The following METTL8 variants were observed in gnomAD, a reference collection of about 807,000 sequenced individuals.
METTL8 encodes the protein tRNA N(3)-cytidine methyltransferase METTL8, mitochondrial.
A neutral mutation model predicts 48.7 loss-of-function variants in METTL8; 32 were observed. The ratio of observed to expected loss-of-function variants is 0.66; its 90% confidence interval spans 0.50 to 0.88. The LOEUF (loss-of-function observed/expected upper bound fraction) is 0.88. Ranked by LOEUF, METTL8 falls within the 40% of genes least tolerant of loss-of-function variation. METTL8 has a pLI of 0.00. For missense variants in METTL8, 464 were observed against 474.4 expected (o/e 0.98, Z 0.20); for synonymous variants, 136 against 157.1 (o/e 0.87, Z 1.01).
chr2:171,351,973 C>T (rs1427627000), intron 3 of METTL8, among the ~76,000 whole-genome samples: 1 of 152,152 alleles, frequency 6.6e-6, no homozygotes, highest in Admixed American at 6.5e-5. Context: ...CCTGATTGCC[C>T]TGGCCAGAAC....
chr2:171,334,190 C>A, intron 5 of METTL8, among the ~76,000 whole-genome samples: 1 of 152,324 alleles, frequency 6.6e-6, no homozygotes, highest in African/African-American at 2.4e-5. Flanking sequence ...CTGCAGTCTA[C>A]CTTTGGGCAG....
At chr2:171,419,400 A>G (rs191062016) in intron 1 of METTL8, among the ~76,000 whole-genome samples, 408 of 152,314 alleles carry the variant, frequency 2.7e-3, no homozygotes, top group Non-Finnish European at 5.0e-3. Flanking sequence ...ATCTATTACC[A>G]CACAGATAAC....
chr2:171,399,250 G>A (rs1689414949), intron 1 of METTL8, among the ~76,000 whole-genome samples: 1 of 152,128 alleles, frequency 6.6e-6, no homozygotes, highest in Admixed American at 6.6e-5. Context: ...GACGAGAAAG[G>A]AAATGAAGCT....
intron 2 of METTL8, among the ~76,000 whole-genome samples, chr2:171,390,784 G>A (rs1688511147): frequency 6.6e-6 from 1 of 152,210 alleles, no homozygotes; most frequent in Non-Finnish European, 1.5e-5. Flanking sequence ...GGTGAAGACA[G>A]TGTGAACACT....
intron 1 of METTL8, among the ~76,000 whole-genome samples, chr2:171,412,494 C>T (rs181913588): frequency 2.6e-5 from 4 of 151,972 alleles, no homozygotes; most frequent in African/African-American, 9.7e-5. Flanking sequence ...GTATGGTTCA[C>T]GAATTCCTGG....
At chr2:171,398,654 G>A (rs1321926357) in intron 1 of METTL8, among the ~76,000 whole-genome samples, 1 of 152,120 alleles carries the variant, frequency 6.6e-6, no homozygotes, top group Admixed American at 6.6e-5. Flanking sequence ...TAATAATATT[G>A]TATTATATTT....
At chr2:171,375,296 G>C in intron 2 of METTL8, 2 of 803,104 alleles carry the variant, frequency 2.5e-6, no homozygotes, top group Non-Finnish European at 4.4e-6. Flanking sequence ...GCACGGACCA[G>C]AGATATATGT....
In METTL8 at chr2:171,343,730, A is replaced by G. The variant is rs949286129; in HGVS notation, c.236-4176T>C. Among the ~76,000 whole-genome samples, 16 of 152,338 alleles carry G rather than the reference A, an allele frequency of 1.1e-4. 1 individual carries two copies. Among genetic ancestry groups the G allele is most frequent in the Admixed American group, 8.5e-4 (13 of 15,308 alleles). On this transcript the variant is annotated intron_variant, in intron 3 of 9. Transcript: ENST00000375258. Reference sequence around the variant, plus strand: ...CCTCATTTGATGAAAGGTTTGAATTAGAGTAGTATCTCTAAAGTCTGTTTA... The same window carrying G: ...CCTCATTTGATGAAAGGTTTGAATTGGAGTAGTATCTCTAAAGTCTGTTTA...
chr2:171,399,054 A>G (rs1207988846), intron 1 of METTL8, among the ~76,000 whole-genome samples: 1 of 152,146 alleles, frequency 6.6e-6, no homozygotes, highest in South Asian at 2.1e-4. Context: ...AAAGGTATAT[A>G]TTGTACCAAC....
intron 2 of METTL8, among the ~76,000 whole-genome samples, chr2:171,390,010 G>A (rs1688440363): frequency 6.6e-6 from 1 of 152,204 alleles, no homozygotes; most frequent in Non-Finnish European, 1.5e-5. Context: ...AGGACAGGCT[G>A]ACTCTCCTGT....
chr2:171,346,019 T>C (rs1217561581), intron 3 of METTL8, among the ~76,000 whole-genome samples: 3 of 152,210 alleles, frequency 2.0e-5, no homozygotes, highest in South Asian at 4.2e-4. Context: ...CCTGGATCTA[T>C]AGTTTTTTTG....
At chr2:171,411,613 C>T (rs1264188120) in intron 1 of METTL8, among the ~76,000 whole-genome samples, 1 of 152,024 alleles carries the variant, frequency 6.6e-6, no homozygotes, top group East Asian at 1.9e-4. Flanking sequence ...AGAAAAGGGC[C>T]ACCCGTTTGG....
At chr2:171,397,896 T>A (rs1206237861) in intron 1 of METTL8, among the ~76,000 whole-genome samples, 1 of 152,202 alleles carries the variant, frequency 6.6e-6, no homozygotes, top group African/African-American at 2.4e-5. Flanking sequence ...CCTAAATTTA[T>A]TAATTACATT....
chr2:171,425,626 G>A lies in METTL8; in HGVS notation c.-13+8257C>T, dbSNP rs548808167. 1.7e-3 allele frequency among the ~76,000 whole-genome samples: 257 copies of A among 152,304 alleles called. 2 individuals are homozygous for A. The highest frequency in any genetic ancestry group is 3.1e-3 in the Non-Finnish European group (211 of 68,020). On this transcript the variant is annotated intron_variant, in intron 1 of 9. Coordinates refer to ENST00000375258, the MANE Select transcript of METTL8 (RefSeq NM_001321154.2). ...TGAGGGTAGAACAGGACTGTGAGTC[G>A]CAGATGAGACCACAGCCCAGGCTGA...
At chr2:171,367,358 G>T (rs544671029) in intron 2 of METTL8, among the ~76,000 whole-genome samples, 13 of 151,748 alleles carry the variant, frequency 8.6e-5, no homozygotes, top group Non-Finnish European at 1.9e-4. Flanking sequence ...AAGGCAAGAA[G>T]ATAAAGCAAG....
At chr2:171,357,975 T>C (rs1384132600) in intron 3 of METTL8, among the ~76,000 whole-genome samples, 7 of 152,122 alleles carry the variant, frequency 4.6e-5, no homozygotes, top group Non-Finnish European at 1.0e-4. Flanking sequence ...GGATTACAAG[T>C]GTGAGCCACT....
chr2:171,326,585 A>G (rs1684986300), intron 7 of METTL8, among the ~76,000 whole-genome samples: 1 of 152,238 alleles, frequency 6.6e-6, no homozygotes, highest in Non-Finnish European at 1.5e-5. Flanking sequence ...TTTCCTCCAA[A>G]ACGAGCTCAT....
intron 1 of METTL8, among the ~76,000 whole-genome samples, chr2:171,419,021 C>CA (rs58215216): frequency 0.025 from 3,341 of 132,188 alleles, 96 homozygotes; most frequent in African/African-American, 0.07. Context: ...GACCCTGTCT[C>CA]AAAAAAAAAA....
intron 1 of METTL8, among the ~76,000 whole-genome samples, chr2:171,426,869 T>C (rs1397950713): frequency 6.6e-6 from 1 of 152,340 alleles, no homozygotes; most frequent in Non-Finnish European, 1.5e-5. Context: ...TTAAGAAGAA[T>C]GTCACATCAC....
Sources: gnomAD v4.1 joint callset for allele counts (sites outside exome capture counted in the v4.1 genomes callset) on GRCh38, gnomAD v4.1.1 for gene constraint, MANE v1.5 for transcripts, NCBI Gene and HGNC (gene_info 2026-07-23, HGNC 2026-07-21) for gene names.